Variants in PTPRD observed in about 807,000 individuals in gnomAD.
PTPRD encodes the protein protein tyrosine phosphatase receptor type D.
Under a neutral mutation model 214.5 loss-of-function variants are expected in PTPRD, and 34 were observed. The ratio of observed to expected loss-of-function variants is 0.16; its 90% CI spans 0.12 to 0.21. The LOEUF (loss-of-function observed/expected upper bound fraction) is 0.21, where lower values mean the gene tolerates loss of function less well. Among genes scored for constraint, PTPRD ranks in the 10% least tolerant of loss-of-function variants. The pLI is 1.00. For synonymous variants in PTPRD, 1,128 were observed against 845.7 expected (o/e 1.33, Z -5.79); for missense variants, 2,545 against 2,398.7 (o/e 1.06, Z -1.27).
chr9:8,777,032 G>C (rs1447412074), intron 11 of PTPRD, among the ~76,000 whole-genome samples: 1 of 112,814 alleles, frequency 8.9e-6, no homozygotes, highest in Admixed American at 9.1e-5. Flanking sequence ...CCAGGCAGGA[G>C]TGCAGTGGCA....
rs57891244 is a variant in PTPRD, at chr9:10,190,718, C to CAAA, written c.-545+150242_-545+150244dup. On this transcript the variant is annotated intron_variant, in intron 3 of 45. Transcript: ENST00000381196. ...GGGCAACAAGAGCAAAACTCTGTCTCAAAAAAAAAAAAAAAAAAAAAAAAA... is the reference window on the plus strand; with the variant it reads ...GGGCAACAAGAGCAAAACTCTGTCTCAAAAAAAAAAAAAAAAAAAAAAAAAAAA... Among the ~76,000 whole-genome samples the CAAA allele has an allele frequency of 4.3e-3, 191 of 43,928 alleles. 5 individuals carry two copies. Among genetic ancestry groups the CAAA allele is most frequent in the African/African-American group, 7.5e-3 (95 of 12,632 alleles). The allele number at this position is 43,928 out of a possible 152,430, so 28.8% of individuals were successfully genotyped here. A position where few individuals can be genotyped will look rare whatever the true frequency, so the allele number is the denominator to read the frequency against.
chr9:8,913,013 T>C (rs1304341757), intron 11 of PTPRD, among the ~76,000 whole-genome samples: 4 of 152,148 alleles, frequency 2.6e-5, no homozygotes, highest in Admixed American at 1.3e-4. Context: ...AAAAGTCTTT[T>C]AGGTTCTTAA....
At chr9:10,278,981 A>C (rs1452985130) in intron 3 of PTPRD, among the ~76,000 whole-genome samples, 1 of 152,028 alleles carries the variant, frequency 6.6e-6, no homozygotes, top group Non-Finnish European at 1.5e-5. Context: ...TCACCGTGTT[A>C]GCCAGGATGA....
At chr9:10,312,565 G>T (rs1403120104) in intron 3 of PTPRD, among the ~76,000 whole-genome samples, 2 of 151,884 alleles carry the variant, frequency 1.3e-5, no homozygotes, top group Non-Finnish European at 2.9e-5. Flanking sequence ...AGATTTGCCT[G>T]CATCCTTTAC....
At chr9:9,181,847 C>A in intron 10 of PTPRD, among the ~76,000 whole-genome samples, 1 of 151,970 alleles carries the variant, frequency 6.6e-6, no homozygotes, top group African/African-American at 2.4e-5. Context: ...ATAGGAACAT[C>A]ACTTGTATGA....
chr9:9,276,813 CACTA>C (rs1157176345), intron 9 of PTPRD, among the ~76,000 whole-genome samples: 4 of 151,362 alleles, frequency 2.6e-5, no homozygotes, highest in South Asian at 4.1e-4. Flanking sequence ...TTCTATATTT[CACTA>C]ACTATGTGGG....
At chr9:9,213,361 A>C (rs907908227) in intron 9 of PTPRD, among the ~76,000 whole-genome samples, 1 of 152,228 alleles carries the variant, frequency 6.6e-6, no homozygotes, top group Non-Finnish European at 1.5e-5. Flanking sequence ...ATAGACATCA[A>C]CGAAAGTTTA....
intron 9 of PTPRD, among the ~76,000 whole-genome samples, chr9:9,356,943 G>C (rs570897548): frequency 1.3e-5 from 2 of 151,478 alleles, no homozygotes; most frequent in East Asian, 3.9e-4. Flanking sequence ...GAAAATTAGA[G>C]GGAAATACAT....
At chr9:10,114,829 G>A (rs1055552103) in intron 3 of PTPRD, among the ~76,000 whole-genome samples, 1 of 151,908 alleles carries the variant, frequency 6.6e-6, no homozygotes, top group African/African-American at 2.4e-5. Context: ...GCTGATTCAT[G>A]TTATAGTCCC....
chr9:10,399,567 A>C (rs1018116015), intron 2 of PTPRD, among the ~76,000 whole-genome samples: 2 of 151,970 alleles, frequency 1.3e-5, no homozygotes. Flanking sequence ...CATGTTCTTG[A>C]ATAAAAATAT....
intron 11 of PTPRD, among the ~76,000 whole-genome samples, chr9:8,747,814 G>A (rs974432493): frequency 1.3e-5 from 2 of 152,134 alleles, no homozygotes; most frequent in Non-Finnish European, 2.9e-5. Flanking sequence ...TTATTTACTA[G>A]ACCAGGCCTT....
intron 14 of PTPRD, among the ~76,000 whole-genome samples, chr9:8,543,110 A>T (rs981564107): frequency 1.3e-4 from 20 of 152,220 alleles, no homozygotes; most frequent in African/African-American, 4.8e-4. Flanking sequence ...TTAATATACA[A>T]CATGCCAATT....
chr9:10,005,171 G>C (rs1588686936), intron 4 of PTPRD, among the ~76,000 whole-genome samples: 2 of 151,846 alleles, frequency 1.3e-5, no homozygotes, highest in Admixed American at 1.3e-4. Context: ...TATAATAACT[G>C]TTACTGTCCT....
chr9:9,099,446 G>A (rs1015277735), intron 10 of PTPRD, among the ~76,000 whole-genome samples: 2 of 152,112 alleles, frequency 1.3e-5, no homozygotes, highest in Non-Finnish European at 2.9e-5. Context: ...ATCAGTCTTA[G>A]GATTTAGAGA....
At chr9:10,194,825 A>C (rs1307615369) in intron 3 of PTPRD, among the ~76,000 whole-genome samples, 2 of 152,236 alleles carry the variant, frequency 1.3e-5, no homozygotes, top group East Asian at 3.9e-4. Flanking sequence ...ACACTCTTCT[A>C]TACTTTTTAA....
At chr9:8,939,615 T>C (rs1416124773) in intron 11 of PTPRD, among the ~76,000 whole-genome samples, 1 of 152,184 alleles carries the variant, frequency 6.6e-6, no homozygotes, top group Admixed American at 6.5e-5. Context: ...AAATGTGCTC[T>C]GCACTGCAAA....
chr9:9,350,559 G>A (rs1046137292), intron 9 of PTPRD, among the ~76,000 whole-genome samples: 2 of 151,876 alleles, frequency 1.3e-5, no homozygotes, highest in Non-Finnish European at 2.9e-5. Context: ...AAGGTGTCAT[G>A]GTCATCACTG....
chr9:8,525,090 T>G (rs560712664), intron 17 of PTPRD, 55 bp from the exon 18 acceptor site: 6 of 1,435,470 alleles, frequency 4.2e-6, no homozygotes, highest in East Asian at 2.3e-5. Flanking sequence ...GCTTTCTCAG[T>G]TCAGAAAGCT....
At chr9:10,126,472 T>TA (rs1366448332) in intron 3 of PTPRD, among the ~76,000 whole-genome samples, 1 of 151,516 alleles carries the variant, frequency 6.6e-6, no homozygotes, top group Non-Finnish European at 1.5e-5. Flanking sequence ...CATTGATATA[T>TA]ATATATATAA....
Sources: gnomAD v4.1 joint callset for allele counts (sites outside exome capture counted in the v4.1 genomes callset) on GRCh38, gnomAD v4.1.1 for gene constraint, MANE v1.5 for transcripts, NCBI Gene and HGNC (gene_info 2026-07-23, HGNC 2026-07-21) for gene names.